ZDHHC24: variants seen among roughly 807,000 people sequenced by gnomAD.
ZDHHC24 encodes zDHHC palmitoyltransferase 24.
Under a neutral mutation model 23.2 loss-of-function variants are expected in ZDHHC24, and 17 were observed. The observed-to-expected ratio is 0.73, with a 90% CI of 0.50 to 1.10. The LOEUF (loss-of-function observed/expected upper bound fraction) is 1.10. Among genes scored for constraint, ZDHHC24 ranks in the 50% least tolerant of loss-of-function variants. ZDHHC24 has a pLI of 0.00. For missense variants in ZDHHC24, 366 were observed against 393.0 expected, an observed-to-expected ratio of 0.93 and a Z score of 0.58; for synonymous variants, 186 against 194.5, an observed-to-expected ratio of 0.96 and a Z score of 0.36.
At chr11:66,526,030 C>T (rs1054492521) in intron 4 of ZDHHC24, 3 of 1,093,450 alleles carry the variant, frequency 2.7e-6, no homozygotes, top group East Asian at 2.4e-5. Flanking sequence ...TATCACTTCT[C>T]ACCTATTATA....
intron 4 of ZDHHC24, chr11:66,522,895 G>T (rs1856303507): frequency 2.9e-6 from 1 of 347,300 alleles, no homozygotes; most frequent in Non-Finnish European, 5.6e-6. Context: ...TGTGGAGATG[G>T]CTTGAAAGTT....
intron 2 of ZDHHC24, among the ~76,000 whole-genome samples, chr11:66,541,140 G>T (rs1447424683): frequency 6.6e-6 from 1 of 152,190 alleles, no homozygotes; most frequent in Non-Finnish European, 1.5e-5. Context: ...GGTGGCTCAT[G>T]CCTGTAATCC....
intron 2 of ZDHHC24, among the ~76,000 whole-genome samples, chr11:66,541,686 G>C (rs1448531018): frequency 6.6e-6 from 1 of 152,126 alleles, no homozygotes; most frequent in African/African-American, 2.4e-5. Context: ...ACAAAGGAAG[G>C]TGAACGCACC....
At chr11:66,525,777 A>C (rs1431155939) in intron 4 of ZDHHC24, among the ~76,000 whole-genome samples, 1 of 152,190 alleles carries the variant, frequency 6.6e-6, no homozygotes, top group Non-Finnish European at 1.5e-5. Flanking sequence ...AGAGAACAAA[A>C]GCCATTGGAG....
intron 3 of ZDHHC24, chr11:66,529,144 G>C (rs1856649215): frequency 1.0e-6 from 1 of 983,992 alleles, no homozygotes; most frequent in Non-Finnish European, 1.2e-6. Flanking sequence ...AGCGAAGCCA[G>C]CCTGGGGGAC....
intron 2 of ZDHHC24, chr11:66,529,710 CCCT>C: frequency 1.4e-6 from 2 of 1,388,164 alleles, no homozygotes; most frequent in Non-Finnish European, 2.0e-6. Flanking sequence ...TCCTGCAGCA[CCCT>C]CCTCTTGCAC....
chr11:66,528,459 T>A (rs1856614496), intron 3 of ZDHHC24, among the ~76,000 whole-genome samples: 1 of 152,142 alleles, frequency 6.6e-6, no homozygotes, highest in South Asian at 2.1e-4. Context: ...GGACTTACCC[T>A]ATCAGGTAGC....
intron 3 of ZDHHC24, among the ~76,000 whole-genome samples, chr11:66,528,797 C>T (rs138604681): frequency 0.02 from 3,009 of 151,870 alleles, 87 homozygotes; most frequent in African/African-American, 0.068. Flanking sequence ...GGTGAAACCC[C>T]GTCTCTACTA....
At chr11:66,522,568 G>C (rs996646367) in intron 4 of ZDHHC24, among the ~76,000 whole-genome samples, 2 of 151,988 alleles carry the variant, frequency 1.3e-5, no homozygotes, top group African/African-American at 4.8e-5. Flanking sequence ...GGCTGGTCTC[G>C]AACGCCTGAC....
At chr11:66,529,864 G>C in intron 2 of ZDHHC24, 1 of 1,610,486 alleles carries the variant, frequency 6.2e-7, no homozygotes, top group South Asian at 1.1e-5. Context: ...CTGCGCCTAC[G>C]TGCTGCCCGC....
rs1856957830 is a variant in ZDHHC24 at position 66,536,178 on chromosome 11, A to G, written c.*3351T>C. ...GGCAACAGCAGGAACTTCGAAGGAAATGGTAACCTTCTCAAATGCAGTGGG... is the reference window on the plus strand; with the variant it reads ...GGCAACAGCAGGAACTTCGAAGGAAGTGGTAACCTTCTCAAATGCAGTGGG... On this transcript the variant is annotated 3_prime_UTR_variant, in exon 3 of 3. Transcript: ENST00000310442. 1 of 152,436 alleles carries G rather than the reference A, an allele frequency of 6.6e-6. No individual in the cohort carries two copies. The highest frequency in any genetic ancestry group is 2.4e-5 in the African/African-American group (1 of 41,470). The allele number at this position is 152,436 out of a possible 1,614,324, so 9.4% of individuals were successfully genotyped here. A position where few individuals can be genotyped will look rare whatever the true frequency, so the allele number is the denominator to read the frequency against.
At chr11:66,539,924 C>T in intron 2 of ZDHHC24, 100 bp from the exon 3 acceptor site, 1 of 1,229,800 alleles carries the variant, frequency 8.1e-7, no homozygotes, top group South Asian at 1.6e-5. Flanking sequence ...TTCCTCCGCT[C>T]AGCAAACCCT....
Position 66,545,674 on chromosome 11 carries a change from C to A in ZDHHC24, c.281+49G>T, listed in dbSNP as rs761144003. 18 of 1,446,018 alleles carry A rather than the reference C, an allele frequency of 1.2e-5. No homozygotes were observed. The highest frequency in any genetic ancestry group is 1.4e-5 in the Non-Finnish European group (16 of 1,104,144). The allele number at this position is 1,446,018 out of a possible 1,614,324, so 89.6% of individuals were successfully genotyped here. A position where few individuals can be genotyped will look rare whatever the true frequency, so the allele number is the denominator to read the frequency against. ...ATCTCAGGTCTTGGGGCCCCTCCCC[C>A]CTGTCCAAGGCTCCCACTTCTCCCC... On this transcript the variant is annotated intron_variant, in intron 1 of 2. Transcript: ENST00000310442. The surrounding 1 kb of genome is among the most constrained non-coding windows in gnomAD (Gnocchi z 4.5).
chr11:66,529,442 A>C (rs1175442634), exon 3 of ZDHHC24: 1 of 840,498 alleles, frequency 1.2e-6, no homozygotes, highest in Non-Finnish European at 2.0e-6. Flanking sequence ...GTGGACACCA[A>C]GGACTCCTCT....
chr11:66,523,515 G>A lies in ZDHHC24; in HGVS notation c.*22-2049C>T, dbSNP rs372092113. ...AGCGCCCAGCCTGTGGGACTTATCC[G>A]GGTACACAAGGTCCTAGTGGTGGGC... On this transcript the variant is annotated intron_variant, in intron 4 of 4. Transcript: ENST00000526986. 3.7e-6 allele frequency: 6 copies of A among 1,613,908 alleles called. No homozygotes were observed. The highest frequency in any genetic ancestry group is 2.2e-5 in the South Asian group (2 of 91,056).
In ZDHHC24 at chr11:66,539,747, C is replaced by A; in HGVS notation, c.637G>T (p.Gly213Trp). 1 of 1,613,166 alleles carries A rather than the reference C, an allele frequency of 6.2e-7. No homozygotes were observed. Among genetic ancestry groups the A allele is most frequent in the Non-Finnish European group, 8.5e-7 (1 of 1,179,872 alleles). Residue 213 changes from glycine (G) to tryptophan (W), a missense_variant, in exon 3 of 3, where the codon GGG becomes TGG. Coordinates refer to ENST00000310442, the MANE Select transcript of ZDHHC24 (RefSeq NM_207340.3). Reference protein sequence around the residue: ...CVAGALLCGAGLLFHGMLLLR... With the variant: ...CVAGALLCGAWLLFHGMLLLR... ...AGCAGCATCCCATGGAAGAGCAGCCCAGCCCCGCACAGCAGCGCACCCGCC... is the reference window on the plus strand; with the variant it reads ...AGCAGCATCCCATGGAAGAGCAGCCAAGCCCCGCACAGCAGCGCACCCGCC...
intron 4 of ZDHHC24, chr11:66,524,279 TA>T (rs542214160): frequency 0.14 from 36,821 of 271,898 alleles, no homozygotes; most frequent in South Asian, 0.24. Flanking sequence ...GACTCCATCT[TA>T]AAAAAAAAAA....
At position 66,523,821 on chromosome 11, in the gene ZDHHC24, T is replaced by TGGCCA. The variant is rs765388270; in HGVS notation, c.*22-2360_*22-2356dup. 6.2e-7 allele frequency: 1 copy of TGGCCA among 1,613,702 alleles called. No individual in the cohort carries two copies. Among genetic ancestry groups the TGGCCA allele is most frequent in the Non-Finnish European group, 8.5e-7 (1 of 1,180,040 alleles). On this transcript the variant is annotated intron_variant, in intron 4 of 4. Coordinates refer to the ZDHHC24 transcript ENST00000526986. Reference sequence around the variant, plus strand: ...GGCCTGCAGGCCGTCATGGCTGGGCTGGCCAATGGAGAGGTCCGCATTTAT... The same window carrying TGGCCA: ...GGCCTGCAGGCCGTCATGGCTGGGCTGGCCAGGCCAATGGAGAGGTCCGCATTTAT...
chr11:66,543,762 G>C lies in ZDHHC24; in HGVS notation c.501C>G (p.Ala167=), dbSNP rs11552043. 1.1e-5 allele frequency: 17 copies of C among 1,608,222 alleles called. No individual in the cohort carries two copies. In the Admixed American group the frequency reaches 1.7e-4, roughly 16 times the overall value. Residue 167 remains alanine, a synonymous_variant, in exon 2 of 3, where the codon GCC becomes GCG. Coordinates refer to ENST00000310442, the MANE Select transcript of ZDHHC24 (RefSeq NM_207340.3). ...GGGCAGCCATGTGGAGGGGCGTGTGGGCTCGCAGCAGGGCCGACAGTGCAG... is the reference window on the plus strand; with the variant it reads ...GGGCAGCCATGTGGAGGGGCGTGTGCGCTCGCAGCAGGGCCGACAGTGCAG... The part of the protein sequence containing the change: ...LGPALSALLR[A]HTPLHMAALL...
Sources: allele counts gnomAD v4.1 joint callset (sites outside exome capture counted in the v4.1 genomes callset), GRCh38; gene constraint gnomAD v4.1.1; non-coding constraint Gnocchi (gnomAD v3.1); transcripts MANE v1.5; gene names NCBI Gene and HGNC (gene_info 2026-07-23, HGNC 2026-07-21).